EEPD1: variants seen among roughly 807,000 people sequenced by gnomAD.
EEPD1 encodes the protein endonuclease/exonuclease/phosphatase family domain containing 1, also known as endonuclease/exonuclease/phosphatase family domain-containing protein 1.
Under a neutral mutation model 46.3 loss-of-function variants are expected in EEPD1, and 17 were observed. That is an observed-to-expected ratio of 0.37 (90% CI 0.25 to 0.55). The LOEUF (loss-of-function observed/expected upper bound fraction) is 0.55, where lower values mean the gene tolerates loss of function less well. Among genes scored for constraint, EEPD1 ranks in the 20% least tolerant of loss-of-function variants. The pLI, the probability that EEPD1 is intolerant of heterozygous loss-of-function variation, is 0.83. For missense variants in EEPD1, 673 were observed against 745.6 expected, an observed-to-expected ratio of 0.90 and a Z score of 1.13; for synonymous variants, 313 against 315.6, an observed-to-expected ratio of 0.99 and a Z score of 0.09.
In EEPD1 at chr7:36,246,352, C is replaced by G. The variant is rs114635863; in HGVS notation, c.930+7316C>G. 5.1e-3 allele frequency among the ~76,000 whole-genome samples: 781 copies of G among 152,358 alleles called. 4 individuals are homozygous for G. Among genetic ancestry groups the G allele is most frequent in the African/African-American group, 0.018 (752 of 41,594 alleles). On this transcript the variant is annotated intron_variant, in intron 3 of 7. Transcript: ENST00000242108. Reference sequence around the variant, plus strand: ...GGGGACATAGGAGGCCAGGTACTGGCTAGCCTCTGTTTCTTTTTAACATGG... The same window carrying G: ...GGGGACATAGGAGGCCAGGTACTGGGTAGCCTCTGTTTCTTTTTAACATGG...
At chr7:36,171,514 A>T (rs948271354) in intron 2 of EEPD1, among the ~76,000 whole-genome samples, 1 of 152,216 alleles carries the variant, frequency 6.6e-6, no homozygotes, top group African/African-American at 2.4e-5. Context: ...TCATTGATTG[A>T]ATCTTGTTTT....
At chr7:36,246,650 G>A (rs1187513164) in intron 3 of EEPD1, among the ~76,000 whole-genome samples, 1 of 151,906 alleles carries the variant, frequency 6.6e-6, no homozygotes, top group Non-Finnish European at 1.5e-5. Flanking sequence ...TTGCCAAATT[G>A]TCTAGGAAAA....
At position 36,184,195 on chromosome 7, in the gene EEPD1, A is replaced by G. The variant is rs564760321; in HGVS notation, c.878+28993A>G. On this transcript the variant is annotated intron_variant, in intron 2 of 7. Coordinates refer to ENST00000242108, the MANE Select transcript of EEPD1 (RefSeq NM_030636.3). ...TGTGTTCTAACAAAATTGTATGGCC[A>G]CTAACATTTGAATGTCATAATTATA... Among the ~76,000 whole-genome samples the G allele has an allele frequency of 1.4e-4, 21 of 152,306 alleles. No homozygotes were observed. The South Asian group carries it at 2.7e-3, about 20-fold the overall frequency.
intron 3 of EEPD1, among the ~76,000 whole-genome samples, chr7:36,267,691 G>A (rs1787044123): frequency 6.6e-6 from 1 of 152,102 alleles, no homozygotes; most frequent in Non-Finnish European, 1.5e-5. Context: ...AGCTCAGGTT[G>A]GGCAAAGGAC....
At chr7:36,219,698 G>A (rs1003540064) in intron 2 of EEPD1, among the ~76,000 whole-genome samples, 2 of 150,922 alleles carry the variant, frequency 1.3e-5, no homozygotes, top group African/African-American at 4.9e-5. Context: ...GAAGAAAGAA[G>A]TGGGGACCAA....
chr7:36,237,910 C>T (rs570529778), intron 2 of EEPD1, among the ~76,000 whole-genome samples: 1 of 152,130 alleles, frequency 6.6e-6, no homozygotes, highest in African/African-American at 2.4e-5. Flanking sequence ...AAGATCACTC[C>T]ACTGCATTTC....
chr7:36,273,296 T>C (rs577807590), intron 3 of EEPD1, among the ~76,000 whole-genome samples: 1 of 152,258 alleles, frequency 6.6e-6, no homozygotes, highest in East Asian at 1.9e-4. Flanking sequence ...GAGGACTGAA[T>C]ATGAGCTGTG....
chr7:36,273,981 T>G (rs1787149285), intron 3 of EEPD1, among the ~76,000 whole-genome samples: 2 of 152,224 alleles, frequency 1.3e-5, no homozygotes, highest in African/African-American at 4.8e-5. Context: ...CCAGTAGGAA[T>G]GGATCCTAGA....
At chr7:36,260,151 T>A (rs1786898642) in intron 3 of EEPD1, among the ~76,000 whole-genome samples, 1 of 152,258 alleles carries the variant, frequency 6.6e-6, no homozygotes, top group Non-Finnish European at 1.5e-5. Flanking sequence ...TAATTACTGA[T>A]GCTGTTCATT....
chr7:36,287,330 A>G (rs1311247016), intron 5 of EEPD1, among the ~76,000 whole-genome samples: 2 of 150,598 alleles, frequency 1.3e-5, no homozygotes, highest in South Asian at 2.1e-4. Flanking sequence ...AGGACTGCTT[A>G]GAAAGAAAGA....
At chr7:36,213,120 T>C (rs988539694) in intron 2 of EEPD1, among the ~76,000 whole-genome samples, 5 of 152,070 alleles carry the variant, frequency 3.3e-5, no homozygotes, top group African/African-American at 4.8e-5. Flanking sequence ...ACCACTGCAC[T>C]CCAGCATGGG....
intron 6 of EEPD1, among the ~76,000 whole-genome samples, chr7:36,289,234 T>C (rs1197952050): frequency 6.6e-6 from 1 of 152,228 alleles, no homozygotes; most frequent in Non-Finnish European, 1.5e-5. Context: ...GTGCTACTAA[T>C]GTATTGACAT....
chr7:36,266,342 A>G (rs1482042752), intron 3 of EEPD1, among the ~76,000 whole-genome samples: 1 of 152,284 alleles, frequency 6.6e-6, no homozygotes. Context: ...CTAGGTGCTC[A>G]GTAACCATAT....
At chr7:36,215,933 T>G (rs1786022919) in intron 2 of EEPD1, among the ~76,000 whole-genome samples, 1 of 152,222 alleles carries the variant, frequency 6.6e-6, no homozygotes, top group South Asian at 2.1e-4. Context: ...AAAGAGAGGA[T>G]GGGAGCCCTA....
At chr7:36,298,407 A>T (rs1349835503) in intron 7 of EEPD1, among the ~76,000 whole-genome samples, 1 of 152,192 alleles carries the variant, frequency 6.6e-6, no homozygotes, top group Non-Finnish European at 1.5e-5. Flanking sequence ...GGCCCATGTC[A>T]ATCCTGCACT....
chr7:36,291,776 GTTTATGAACTGCT>G (rs1413911280), intron 6 of EEPD1, among the ~76,000 whole-genome samples: 1 of 152,200 alleles, frequency 6.6e-6, no homozygotes, highest in Non-Finnish European at 1.5e-5. Context: ...TTATGACTTC[GTTTATGAACTGCT>G]TTCCCTAAAG....
intron 2 of EEPD1, among the ~76,000 whole-genome samples, chr7:36,212,528 T>A (rs1370227139): frequency 3.2e-5 from 1 of 31,006 alleles, no homozygotes; most frequent in Non-Finnish European, 1.1e-4. Flanking sequence ...TTAAAAATAT[T>A]TTTTAAGGTT....
chr7:36,280,952 G>A, intron 3 of EEPD1, 163 bp from the exon 4 acceptor site: 1 of 552,500 alleles, frequency 1.8e-6, no homozygotes, highest in South Asian at 2.8e-5. Flanking sequence ...TAGTCATCTG[G>A]CTCTTGCAAA....
intron 2 of EEPD1, among the ~76,000 whole-genome samples, chr7:36,158,533 A>G (rs1042732683): frequency 6.6e-6 from 1 of 152,198 alleles, no homozygotes; most frequent in Admixed American, 6.5e-5. Flanking sequence ...TGTGTGAGCT[A>G]TAAGAAACTG....
Sources: gnomAD v4.1 joint callset for allele counts (sites outside exome capture counted in the v4.1 genomes callset) on GRCh38, gnomAD v4.1.1 for gene constraint, MANE v1.5 for transcripts, NCBI Gene and HGNC (gene_info 2026-07-23, HGNC 2026-07-21) for gene names.